HIVEP3: variants seen among roughly 807,000 people sequenced by gnomAD.
The protein encoded by HIVEP3 is transcription factor HIVEP3.
In HIVEP3, 49 loss-of-function variants were observed where a neutral mutation model predicts 152.8. The observed-to-expected ratio is 0.32, with a 90% CI of 0.26 to 0.41. The LOEUF (loss-of-function observed/expected upper bound fraction) is 0.41, where lower values mean the gene tolerates loss of function less well. Among genes scored for constraint, HIVEP3 ranks in the 10% least tolerant of loss-of-function variants. HIVEP3 has a pLI of 1.00. For missense variants in HIVEP3, 2,790 were observed against 3,103.3 expected, an observed-to-expected ratio of 0.90 and a Z score of 2.40; for synonymous variants, 1,269 against 1,289.0, an observed-to-expected ratio of 0.98 and a Z score of 0.33.
Position 41,584,132 on chromosome 1 carries a change from G to A in HIVEP3, c.666C>T (p.Cys222=), listed in dbSNP as rs756968051. Residue 222 remains cysteine, a synonymous_variant, in exon 4 of 9, where the codon TGC becomes TGT. Coordinates refer to ENST00000372583, the MANE Select transcript of HIVEP3 (RefSeq NM_024503.5). This position sits in a 1 kb window ranked among gnomAD's most constrained non-coding sequence, Gnocchi z 5.2. ...TCTTGAAGGAGAAGCCACAGGGGCC[G>A]CAGGGGTAGGGCCTCTCACCTGTGT... ...RSHTGERPYP[C]GPCGFSFKTK... 8 of 1,614,112 alleles carry A rather than the reference G, an allele frequency of 5.0e-6. No individual in the cohort carries two copies. The highest frequency in any genetic ancestry group is 1.7e-5 in the Admixed American group (1 of 60,028).
At chr1:41,686,280 G>A (rs1646115071) in intron 2 of HIVEP3, among the ~76,000 whole-genome samples, 3 of 152,010 alleles carry the variant, frequency 2.0e-5, no homozygotes, top group African/African-American at 7.3e-5. Context: ...CACCATGTTG[G>A]CCAGGCTGGT....
intron 1 of HIVEP3, among the ~76,000 whole-genome samples, chr1:41,805,286 G>A (rs1417215825): frequency 6.6e-6 from 1 of 152,206 alleles, no homozygotes; most frequent in Non-Finnish European, 1.5e-5. Context: ...GCCAGGAGCC[G>A]AGATTATGCC....
rs553389669 is a variant in HIVEP3, at chr1:41,781,923, A to G, written c.-800-80928T>C. 4.6e-5 allele frequency among the ~76,000 whole-genome samples: 7 copies of G among 152,272 alleles called. No homozygotes were observed. In the South Asian group the frequency reaches 8.3e-4, roughly 18 times the overall value. ...CTCTGCTCCCAGGTGATCTCTATGC[A>G]TTATAAGGAGTCAGCCTTCCACCCA... On this transcript the variant is annotated intron_variant, in intron 1 of 8. Transcript: ENST00000372583.
At chr1:41,528,914 CCT>C in intron 5 of HIVEP3, among the ~76,000 whole-genome samples, 2 of 141,292 alleles carry the variant, frequency 1.4e-5, no homozygotes, top group Non-Finnish European at 1.5e-5. Context: ...CGCCCTCACA[CCT>C]TCGCACACCC....
intron 2 of HIVEP3, among the ~76,000 whole-genome samples, chr1:41,647,114 C>T (rs550897355): frequency 6.6e-6 from 1 of 152,320 alleles, no homozygotes; most frequent in African/African-American, 2.4e-5. Flanking sequence ...AGGACAATCA[C>T]CCTACTCTAA....
intron 1 of HIVEP3, among the ~76,000 whole-genome samples, chr1:41,862,730 G>C (rs1322234871): frequency 6.6e-6 from 1 of 152,224 alleles, no homozygotes; most frequent in East Asian, 1.9e-4. Context: ...AGCTTGTTGT[G>C]AAAAGAGAAT....
chr1:41,823,828 T>C (rs920056446), intron 1 of HIVEP3, among the ~76,000 whole-genome samples: 1 of 152,222 alleles, frequency 6.6e-6, no homozygotes, highest in African/African-American at 2.4e-5. Flanking sequence ...GCTTCGTTTC[T>C]AGGCCTGGAT....
chr1:41,599,362 T>C (rs1439944811), intron 3 of HIVEP3, among the ~76,000 whole-genome samples: 1 of 152,206 alleles, frequency 6.6e-6, no homozygotes, highest in African/African-American at 2.4e-5. Flanking sequence ...CAAAGATTTC[T>C]TACTCGATTG....
intron 1 of HIVEP3, among the ~76,000 whole-genome samples, chr1:41,812,215 T>G (rs929978160): frequency 6.6e-6 from 1 of 152,128 alleles, no homozygotes; most frequent in Non-Finnish European, 1.5e-5. Flanking sequence ...TTAAGCAAAC[T>G]TAACAAACAC....
intron 1 of HIVEP3, among the ~76,000 whole-genome samples, chr1:41,778,051 G>T (rs957121357): frequency 2.0e-5 from 3 of 152,216 alleles, no homozygotes; most frequent in African/African-American, 7.2e-5. Flanking sequence ...GTCCTCCTGG[G>T]GGTGTTGTTC....
intron 1 of HIVEP3, among the ~76,000 whole-genome samples, chr1:41,771,874 C>G (rs957839600): frequency 2.0e-5 from 3 of 152,108 alleles, no homozygotes; most frequent in Admixed American, 2.0e-4. Flanking sequence ...ACCGTGTTAG[C>G]CAGGCTGGTC....
intron 5 of HIVEP3, among the ~76,000 whole-genome samples, chr1:41,556,892 T>C (rs1252867344): frequency 6.6e-6 from 1 of 152,244 alleles, no homozygotes; most frequent in African/African-American, 2.4e-5. Flanking sequence ...AAAGACTTTC[T>C]TTCCCCATTG....
Position 41,873,884 on chromosome 1 carries a change from T to C in HIVEP3, c.-801+44529A>G, listed in dbSNP as rs929968257. On this transcript the variant is annotated intron_variant, in intron 1 of 8. Transcript: ENST00000372583. The surrounding 1 kb of genome is among the most constrained non-coding windows in gnomAD (Gnocchi z 4.2). The stretch of plus-strand genomic sequence containing the variant: ...CTCTCCCAGAAGGTGGAGAAGCTTC[T>C]CAAAGCAACTGGCCCAGGCAGCCTT... Among the ~76,000 whole-genome samples the C allele has an allele frequency of 1.3e-5, 2 of 152,228 alleles. No homozygotes were observed. Among genetic ancestry groups the C allele is most frequent in the African/African-American group, 4.8e-5 (2 of 41,458 alleles).
intron 2 of HIVEP3, among the ~76,000 whole-genome samples, chr1:41,676,000 C>G (rs1645948683): frequency 6.6e-6 from 1 of 152,070 alleles, no homozygotes; most frequent in African/African-American, 2.4e-5. Flanking sequence ...CATCTAATGC[C>G]ACATCACCCC....
At chr1:41,980,719 G>A (rs1348816318) in intron 1 of HIVEP3, among the ~76,000 whole-genome samples, 1 of 152,194 alleles carries the variant, frequency 6.6e-6, no homozygotes, top group East Asian at 1.9e-4. Context: ...ATTAAAATGG[G>A]GAAAGGGTGT....
upstream of HIVEP3, among the ~76,000 whole-genome samples, chr1:41,922,118 T>C (rs142141523): frequency 1.3e-5 from 2 of 152,266 alleles, no homozygotes; most frequent in Non-Finnish European, 2.9e-5. Context: ...GAAGAAAGTC[T>C]TTAGGCCTTA....
intron 3 of HIVEP3, among the ~76,000 whole-genome samples, chr1:41,605,189 A>C: frequency 7.6e-6 from 1 of 131,600 alleles, no homozygotes; most frequent in African/African-American, 2.8e-5. Flanking sequence ...AGGGGAGGGA[A>C]GGGAAGGGAA....
intron 1 of HIVEP3, among the ~76,000 whole-genome samples, chr1:41,759,840 A>T (rs1355270160): frequency 6.6e-6 from 1 of 152,236 alleles, no homozygotes; most frequent in Non-Finnish European, 1.5e-5. Flanking sequence ...GTTTCCACAT[A>T]GGACCTCACA....
intron 2 of HIVEP3, among the ~76,000 whole-genome samples, chr1:41,633,263 T>C (rs75339393): frequency 0.011 from 1,631 of 152,014 alleles, 27 homozygotes; most frequent in African/African-American, 0.037. Context: ...TGCAGTAGCA[T>C]CAGCTGGCCA....
Sources: gnomAD v4.1 joint callset for allele counts (sites outside exome capture counted in the v4.1 genomes callset) on GRCh38, gnomAD v4.1.1 for gene constraint, Gnocchi (gnomAD v3.1) non-coding constraint, MANE v1.5 for transcripts, NCBI Gene and HGNC (gene_info 2026-07-23, HGNC 2026-07-21) for gene names.